Variants in CNBD1 observed in about 807,000 individuals in gnomAD.
The protein encoded by CNBD1 is cyclic nucleotide binding domain containing 1, also known as cyclic nucleotide-binding domain-containing protein 1.
In CNBD1, 71 loss-of-function variants were observed where a neutral mutation model predicts 54.4. The ratio of observed to expected loss-of-function variants is 1.30; its 90% CI spans 1.08 to 1.59. The LOEUF is 1.59. Among genes scored for constraint, CNBD1 ranks in the 40% most tolerant of loss-of-function variants. The pLI is 0.00. For missense variants in CNBD1, 659 were observed against 518.0 expected (o/e 1.27, Z -2.64); for synonymous variants, 182 against 170.7 (o/e 1.07, Z -0.51).
intron 2 of CNBD1, among the ~76,000 whole-genome samples, chr8:87,420,539 G>A (rs116571026): frequency 1.4e-3 from 213 of 152,068 alleles, no homozygotes; most frequent in African/African-American, 4.8e-3. Flanking sequence ...GCTGATACTC[G>A]GAGATGACAT....
At chr8:87,243,579 G>A (rs1449070170) in intron 6 of CNBD1, among the ~76,000 whole-genome samples, 1 of 151,990 alleles carries the variant, frequency 6.6e-6, no homozygotes, top group African/African-American at 2.4e-5. Context: ...TCTTACCCTG[G>A]TTCCCTAAAT....
At chr8:87,385,069 G>A (rs1811155311), downstream of CNBD1, among the ~76,000 whole-genome samples, 1 of 152,100 alleles carries the variant, frequency 6.6e-6, no homozygotes, top group South Asian at 2.1e-4. Flanking sequence ...AATAGATTTG[G>A]GGGACAAGGA....
intron 6 of CNBD1, among the ~76,000 whole-genome samples, chr8:87,243,158 T>C (rs1807739042): frequency 6.6e-6 from 1 of 152,236 alleles, no homozygotes; most frequent in Non-Finnish European, 1.5e-5. Context: ...ATTTTATGCA[T>C]ACTGCCCAGT....
chr8:86,898,400 G>T (rs1220807101), intron 2 of CNBD1, among the ~76,000 whole-genome samples: 1 of 152,026 alleles, frequency 6.6e-6, no homozygotes, highest in Non-Finnish European at 1.5e-5. Flanking sequence ...AATTTAAAAA[G>T]AAATGAATAC....
chr8:86,888,874 T>TG lies in CNBD1; in HGVS notation c.158+1269dup, dbSNP rs528551810. ...AATACTTCTAGTTTTTTTTTCTCTT[T>TG]GGGGGGTCATAATAAGAGAGCTTGA... On this transcript the variant is annotated intron_variant, in intron 2 of 10. Transcript: ENST00000518476. 2.7e-3 allele frequency among the ~76,000 whole-genome samples: 412 copies of TG among 152,256 alleles called. 2 individuals carry two copies. The highest frequency in any genetic ancestry group is 9.6e-3 in the African/African-American group (398 of 41,552).
chr8:87,075,847 C>A (rs757242234), intron 4 of CNBD1, among the ~76,000 whole-genome samples: 1 of 152,076 alleles, frequency 6.6e-6, no homozygotes, highest in African/African-American at 2.4e-5. Flanking sequence ...AGCAATGGTG[C>A]CTAGACTGAA....
chr8:87,087,854 G>T (rs1337007287), intron 4 of CNBD1, among the ~76,000 whole-genome samples: 1 of 152,112 alleles, frequency 6.6e-6, no homozygotes, highest in Non-Finnish European at 1.5e-5. Context: ...TTACAGATGA[G>T]GTAATGGAGA....
chr8:87,111,092 C>A, intron 4 of CNBD1, among the ~76,000 whole-genome samples: 1 of 152,206 alleles, frequency 6.6e-6, no homozygotes, highest in African/African-American at 2.4e-5. Flanking sequence ...GAGGCTAAAA[C>A]TAATCTCTGC....
At chr8:87,101,161 A>G (rs1230434513) in intron 4 of CNBD1, among the ~76,000 whole-genome samples, 2 of 152,232 alleles carry the variant, frequency 1.3e-5, no homozygotes, top group Non-Finnish European at 2.9e-5. Context: ...TTAGGTGTAA[A>G]GTAGCTGGGA....
intron 4 of CNBD1, among the ~76,000 whole-genome samples, chr8:86,997,043 A>G (rs1808889394): frequency 6.6e-6 from 1 of 152,154 alleles, no homozygotes; most frequent in Admixed American, 6.6e-5. Flanking sequence ...TAATCCCATC[A>G]TCTTGAAGAT....
chr8:87,117,571 A>G (rs1811801255), intron 4 of CNBD1, among the ~76,000 whole-genome samples: 2 of 152,180 alleles, frequency 1.3e-5, no homozygotes. Flanking sequence ...AGCATGACTG[A>G]TCAGTTTCCT....
intron 1 of CNBD1, among the ~76,000 whole-genome samples, chr8:86,879,537 G>C (rs1277230302): frequency 6.6e-6 from 1 of 152,158 alleles, no homozygotes; most frequent in Non-Finnish European, 1.5e-5. Context: ...AAAAAGACAA[G>C]ATATGTTCAT....
intron 5 of CNBD1, among the ~76,000 whole-genome samples, chr8:87,223,264 A>C (rs1469736064): frequency 1.3e-5 from 2 of 149,380 alleles, no homozygotes; most frequent in Non-Finnish European, 3.0e-5. Context: ...TTTATTATTT[A>C]AGTTTTAGGG....
intron 4 of CNBD1, among the ~76,000 whole-genome samples, chr8:87,168,868 G>A (rs1813026654): frequency 6.6e-6 from 1 of 151,968 alleles, no homozygotes; most frequent in African/African-American, 2.4e-5. Flanking sequence ...CTTGGCTATT[G>A]TAAATAGTAC....
At chr8:87,372,625 G>A (rs1810836522) in intron 10 of CNBD1, among the ~76,000 whole-genome samples, 1 of 151,838 alleles carries the variant, frequency 6.6e-6, no homozygotes, top group Admixed American at 6.6e-5. Context: ...AATCAATCTA[G>A]TAATAGCTTT....
chr8:86,889,222 T>C (rs1808729537), intron 2 of CNBD1, among the ~76,000 whole-genome samples: 1 of 152,092 alleles, frequency 6.6e-6, no homozygotes, highest in African/African-American at 2.4e-5. Context: ...TAGTTACAAA[T>C]ACAAAATCAG....
chr8:87,409,648 G>A (rs756210719), intron 2 of CNBD1, among the ~76,000 whole-genome samples: 16 of 152,110 alleles, frequency 1.1e-4, no homozygotes, highest in Non-Finnish European at 1.8e-4. Flanking sequence ...TCCTGTTAGG[G>A]CCTAATAAAG....
intron 6 of CNBD1, among the ~76,000 whole-genome samples, chr8:87,239,758 C>G (rs564619939): frequency 6.6e-6 from 1 of 152,036 alleles, no homozygotes; most frequent in Non-Finnish European, 1.5e-5. Flanking sequence ...TGTTCTAACT[C>G]TTTACTACAC....
At chr8:87,421,427 C>G (rs1261467438) in intron 2 of CNBD1, among the ~76,000 whole-genome samples, 1 of 115,966 alleles carries the variant, frequency 8.6e-6, no homozygotes, top group Non-Finnish European at 1.8e-5. Flanking sequence ...CTCCCCCCCT[C>G]CCCCCACCCC....
Sources: allele counts gnomAD v4.1 joint callset (sites outside exome capture counted in the v4.1 genomes callset), GRCh38; gene constraint gnomAD v4.1.1; transcripts MANE v1.5; gene names NCBI Gene and HGNC (gene_info 2026-07-23, HGNC 2026-07-21).